AUTS2: variants seen among roughly 807,000 people sequenced by gnomAD.
AUTS2 encodes the protein autism susceptibility gene 2 protein.
In AUTS2, 17 loss-of-function variants were observed where a neutral mutation model predicts 112.4. The observed-to-expected ratio is 0.15, with a 90% CI of 0.10 to 0.23. The LOEUF is 0.23. Ranked by LOEUF, AUTS2 falls within the 10% of genes least tolerant of loss-of-function variation. The pLI is 1.00. For synonymous variants in AUTS2, 751 were observed against 702.7 expected, an observed-to-expected ratio of 1.07 and a Z score of -1.09; for missense variants, 1,510 against 1,701.6, an observed-to-expected ratio of 0.89 and a Z score of 1.98.
intron 1 of AUTS2, among the ~76,000 whole-genome samples, chr7:69,779,092 A>G (rs1252721028): frequency 2.2e-5 from 3 of 133,452 alleles, no homozygotes; most frequent in South Asian, 2.5e-4. Context: ...GGGTCTTGCT[A>G]TGTTGCCAAG....
chr7:69,688,784 C>T (rs1379515354), intron 1 of AUTS2, among the ~76,000 whole-genome samples: 1 of 152,188 alleles, frequency 6.6e-6, no homozygotes, highest in Non-Finnish European at 1.5e-5. Context: ...ATCTTCCCCA[C>T]ACCCCCTTGT....
chr7:70,364,079 G>T (rs1048731069), intron 4 of AUTS2, among the ~76,000 whole-genome samples: 1 of 152,100 alleles, frequency 6.6e-6, no homozygotes, highest in Non-Finnish European at 1.5e-5. Context: ...AGCAGGGTTT[G>T]TGGAAGGGCA....
intron 1 of AUTS2, among the ~76,000 whole-genome samples, chr7:69,893,952 C>T (rs898825259): frequency 3.3e-5 from 5 of 152,112 alleles, no homozygotes; most frequent in Non-Finnish European, 4.4e-5. Context: ...AGAGCAAGAT[C>T]GCCTATTTTG....
intron 3 of AUTS2, among the ~76,000 whole-genome samples, chr7:70,120,548 T>C (rs1190978309): frequency 6.6e-6 from 1 of 152,184 alleles, no homozygotes; most frequent in Non-Finnish European, 1.5e-5. Context: ...TGTTATACTT[T>C]TAATGTAAGA....
intron 1 of AUTS2, among the ~76,000 whole-genome samples, chr7:69,614,368 T>TCTTTCTTTTCTTTCTTTCTTTC (rs1474509971): frequency 8.2e-4 from 16 of 19,518 alleles, no homozygotes; most frequent in Middle Eastern, 0.028. Flanking sequence ...TTCTTTCTTT[T>TCTTTCTTTTCTTTCTTTCTTTC]TTTAAGAGAT....
chr7:69,850,424 A>C (rs1792423432), intron 1 of AUTS2, among the ~76,000 whole-genome samples: 1 of 141,062 alleles, frequency 7.1e-6, no homozygotes, highest in Non-Finnish European at 1.5e-5. Context: ...AAAAAAAAAA[A>C]AAAAAAAAAA....
intron 2 of AUTS2, among the ~76,000 whole-genome samples, chr7:69,915,789 T>C (rs1366224580): frequency 6.6e-6 from 1 of 152,234 alleles, no homozygotes; most frequent in African/African-American, 2.4e-5. Flanking sequence ...TGCAGTGGTG[T>C]GATCTTGGCT....
chr7:70,605,511 T>G (rs1322775689), intron 5 of AUTS2, among the ~76,000 whole-genome samples: 1 of 147,430 alleles, frequency 6.8e-6, no homozygotes, highest in African/African-American at 2.6e-5. Context: ...GTTTTTGTCT[T>G]TCTTTTTTTT....
At position 69,905,620 on chromosome 7, in the gene AUTS2, G is replaced by C. The variant is rs575537705; in HGVS notation, c.522+6122G>C. Among the ~76,000 whole-genome samples, 59 of 152,214 alleles carry C rather than the reference G, an allele frequency of 3.9e-4. 1 individual carries two copies. The highest frequency in any genetic ancestry group is 3.8e-3 in the Admixed American group (58 of 15,288). ...TGTTTTTGTTTTATCTGGACACCCGGCTGATTGCATGGTGCCTGCCCACAT... is the reference window on the plus strand; with the variant it reads ...TGTTTTTGTTTTATCTGGACACCCGCCTGATTGCATGGTGCCTGCCCACAT... On this transcript the variant is annotated intron_variant, in intron 2 of 18. Transcript: ENST00000342771.
At chr7:70,378,621 A>G (rs894517450) in intron 4 of AUTS2, among the ~76,000 whole-genome samples, 1 of 152,242 alleles carries the variant, frequency 6.6e-6, no homozygotes, top group Non-Finnish European at 1.5e-5. Flanking sequence ...TGTGGCAGAC[A>G]GGGTTCTACT....
At chr7:69,881,278 C>G (rs961200336) in intron 1 of AUTS2, among the ~76,000 whole-genome samples, 1 of 151,988 alleles carries the variant, frequency 6.6e-6, no homozygotes, top group Non-Finnish European at 1.5e-5. Context: ...TTTTCCTCTC[C>G]TTTTTCCCCG....
intron 4 of AUTS2, among the ~76,000 whole-genome samples, chr7:70,179,913 C>T (rs1257557220): frequency 1.3e-5 from 2 of 152,096 alleles, no homozygotes; most frequent in Non-Finnish European, 2.9e-5. Flanking sequence ...TTGTGTAATT[C>T]CCATGGGCTG....
At chr7:70,534,221 G>A (rs1200103556) in intron 5 of AUTS2, among the ~76,000 whole-genome samples, 1 of 152,182 alleles carries the variant, frequency 6.6e-6, no homozygotes, top group Non-Finnish European at 1.5e-5. Flanking sequence ...GCCTCATGGT[G>A]CCCTGCTGGT....
intron 1 of AUTS2, among the ~76,000 whole-genome samples, chr7:69,691,191 A>G (rs563255937): frequency 2.5e-4 from 38 of 152,226 alleles, no homozygotes; most frequent in African/African-American, 7.7e-4. Context: ...GTGGGCCTGG[A>G]GAAAGCACCG....
intron 4 of AUTS2, among the ~76,000 whole-genome samples, chr7:70,404,223 A>T (rs867700653): frequency 6.6e-6 from 1 of 152,014 alleles, no homozygotes; most frequent in African/African-American, 2.4e-5. Flanking sequence ...GAGTTAAGAG[A>T]TCTATCTGGG....
intron 4 of AUTS2, among the ~76,000 whole-genome samples, chr7:70,429,972 A>G (rs957367498): frequency 5.3e-5 from 8 of 152,194 alleles, no homozygotes; most frequent in African/African-American, 1.9e-4. Flanking sequence ...ATCTGCATCA[A>G]ATAGAAATTT....
At chr7:70,768,536 C>T (rs1046142388) in intron 10 of AUTS2, among the ~76,000 whole-genome samples, 9 of 152,136 alleles carry the variant, frequency 5.9e-5, no homozygotes, top group South Asian at 2.1e-4. Context: ...AATGTAGAAC[C>T]TTCTTCCACA....
intron 1 of AUTS2, among the ~76,000 whole-genome samples, chr7:69,691,793 G>C (rs1797358170): frequency 6.6e-6 from 1 of 152,242 alleles, no homozygotes; most frequent in African/African-American, 2.4e-5. Flanking sequence ...CTGCAGCATG[G>C]GCCGCTGCTG....
At chr7:69,985,810 T>G (rs963164609) in intron 2 of AUTS2, among the ~76,000 whole-genome samples, 23 of 151,912 alleles carry the variant, frequency 1.5e-4, no homozygotes, top group Admixed American at 7.9e-4. Flanking sequence ...CAGGCTGAAG[T>G]ACAATGAAGA....
Sources: allele counts gnomAD v4.1 joint callset (sites outside exome capture counted in the v4.1 genomes callset), GRCh38; gene constraint gnomAD v4.1.1; transcripts MANE v1.5; gene names NCBI Gene and HGNC (gene_info 2026-07-23, HGNC 2026-07-21).